TMEM132E: variants seen among roughly 807,000 people sequenced by gnomAD.
TMEM132E encodes transmembrane protein 132E.
Under a neutral mutation model 78.5 loss-of-function variants are expected in TMEM132E, and 49 were observed. The observed-to-expected ratio is 0.62, with a 90% CI of 0.50 to 0.79. The LOEUF (loss-of-function observed/expected upper bound fraction) is 0.79. TMEM132E is among the 30% of genes least tolerant of loss of function. The pLI is 0.00. For synonymous variants in TMEM132E, 715 were observed against 670.6 expected (o/e 1.07, Z -1.02); for missense variants, 1,403 against 1,470.9 (o/e 0.95, Z 0.75).
intron 6 of TMEM132E, 111 bp from the exon 7 acceptor site, chr17:34,634,688 G>T: frequency 7.5e-7 from 1 of 1,341,552 alleles, no homozygotes; most frequent in Non-Finnish European, 1.0e-6. Context: ...GCTTGCTTTT[G>T]CAGAGCTTCT....
In TMEM132E at chr17:34,620,120, G is replaced by C. The variant is rs73284087; in HGVS notation, c.68-6007G>C. 3.6e-3 allele frequency among the ~76,000 whole-genome samples: 551 copies of C among 152,292 alleles called. 3 individuals are homozygous for C. Among genetic ancestry groups the C allele is most frequent in the African/African-American group, 0.013 (522 of 41,552 alleles). On this transcript the variant is annotated intron_variant, in intron 1 of 8. Coordinates refer to ENST00000631683, the MANE Select transcript of TMEM132E (RefSeq NM_001304438.2). ...GGGAGCCCCCACCCCTAGCCTGCCC[G>C]GCCCTAGCTTCCACAGAGATTCATT...
rs1907597770 is a variant in TMEM132E at position 34,638,039 on chromosome 17, A to G, written c.3032A>G (p.Lys1011Arg). Residue 1011 changes from lysine to arginine, a missense_variant, in exon 9 of 9, where the codon AAG becomes AGG. Lys to Arg is a conservative substitution (Grantham distance 26, BLOSUM62 2). This residue lies in a region of TMEM132E where 888 missense variants were observed against 952.8 expected (regional missense o/e 0.93). Transcript: ENST00000631683. Reference sequence around the variant, plus strand: ...GCCAGCTCGCCCACCTCCAAGCGCAAGCGGGTCAAGTTCACCACCTTCACC... The same window carrying G: ...GCCAGCTCGCCCACCTCCAAGCGCAGGCGGGTCAAGTTCACCACCTTCACC... ...DPASSPTSKRKRVKFTTFTTL... is the reference protein window; with the variant it reads ...DPASSPTSKRRRVKFTTFTTL... 1 of 1,577,002 alleles carries G rather than the reference A, an allele frequency of 6.3e-7. No homozygotes were observed. Among genetic ancestry groups the G allele is most frequent in the Admixed American group, 1.8e-5 (1 of 54,150 alleles).
chr17:34,628,843 C>T, intron 3 of TMEM132E, 134 bp downstream of exon 3: 1 of 1,374,628 alleles, frequency 7.3e-7, no homozygotes, highest in South Asian at 1.5e-5. Context: ...GGTCCAGGCC[C>T]CTCAGTGGGA....
chr17:34,602,471 A>G (rs889685320), intron 1 of TMEM132E, among the ~76,000 whole-genome samples: 2 of 152,230 alleles, frequency 1.3e-5, no homozygotes, highest in Admixed American at 6.5e-5. Context: ...AGTTGGCCTG[A>G]CAGGGGCCAG....
At position 34,632,819 on chromosome 17, in the gene TMEM132E, G is replaced by C; in HGVS notation, c.1598G>C (p.Trp533Ser). The C allele has an allele frequency of 6.2e-7, 1 of 1,614,178 alleles. No individual in the cohort carries two copies. The highest frequency in any genetic ancestry group is 8.5e-7 in the Non-Finnish European group (1 of 1,180,026). The change falls in exon 6 of 9, where the codon TGG becomes TCG. Residue 533 changes from tryptophan to serine, a missense_variant. Physicochemically the swap from Trp to Ser is radical, Grantham distance 177 (BLOSUM62 -3). This residue lies in a region of TMEM132E where 888 missense variants were observed against 952.8 expected (regional missense o/e 0.93). Coordinates refer to ENST00000631683, the MANE Select transcript of TMEM132E (RefSeq NM_001304438.2). ...AATGCTCCCCTGGAAATGACAGTCT[G>C]GGTCCCCAAGCTGCCCTTGCACATT... Reference protein sequence around the residue: ...VLNAPLEMTVWVPKLPLHIEL... With the variant: ...VLNAPLEMTVSVPKLPLHIEL...
At chr17:34,593,908 C>T (rs561666898) in intron 1 of TMEM132E, among the ~76,000 whole-genome samples, 1 of 152,346 alleles carries the variant, frequency 6.6e-6, no homozygotes, top group South Asian at 2.1e-4. Context: ...TGCTCGTCTC[C>T]GGTCACGCTG....
chr17:34,592,211 C>A (rs1324583918), intron 1 of TMEM132E, among the ~76,000 whole-genome samples: 1 of 152,106 alleles, frequency 6.6e-6, no homozygotes, highest in Non-Finnish European at 1.5e-5. Flanking sequence ...CCCTTCCTCC[C>A]TCCCCACTTT....
Position 34,626,636 on chromosome 17 carries a change from G to A in TMEM132E, c.577G>A (p.Ala193Thr), listed in dbSNP as rs1486466197. The change falls in exon 2 of 9, where the codon GCA becomes ACA. Residue 193 changes from alanine to threonine, a missense_variant. Ala to Thr is a moderately conservative substitution (Grantham distance 58, BLOSUM62 0). Around this residue, in one of 3 missense-constraint regions of TMEM132E, gnomAD observed 511 missense variants for 499.0 expected, o/e 1.02. Coordinates refer to ENST00000631683, the MANE Select transcript of TMEM132E (RefSeq NM_001304438.2). The stretch of plus-strand genomic sequence containing the variant: ...GGGCCTGGCCACTTGTCTGGTGCGG[G>A]CAGAGCTGCCCCTGGCCTGGTTCGG... ...SGGLATCLVR[A>T]ELPLAWFGPP... 4 of 1,459,394 alleles carry A rather than the reference G, an allele frequency of 2.7e-6. No individual in the cohort carries two copies. Among genetic ancestry groups the A allele is most frequent in the South Asian group, 1.4e-5 (1 of 71,000 alleles). 90.4% of individuals were successfully genotyped at this position (1,459,394 alleles called of 1,614,324 possible). A position where few individuals can be genotyped will look rare whatever the true frequency, so the allele number is the denominator to read the frequency against.
At chr17:34,629,267 G>T in intron 4 of TMEM132E, 63 bp downstream of exon 4, 1 of 1,539,394 alleles carries the variant, frequency 6.5e-7, no homozygotes, top group South Asian at 1.2e-5. Context: ...ACATTTGTGT[G>T]ACAAGAATGT....
intron 2 of TMEM132E, among the ~76,000 whole-genome samples, 173 bp downstream of exon 2, chr17:34,627,230 A>G (rs1907182542): frequency 6.6e-6 from 1 of 152,194 alleles, no homozygotes; most frequent in Non-Finnish European, 1.5e-5. Context: ...TACCTCGCTT[A>G]TTGGAGCCTC....
At chr17:34,596,250 TTG>T (rs1906056417) in intron 1 of TMEM132E, among the ~76,000 whole-genome samples, 2 of 152,192 alleles carry the variant, frequency 1.3e-5, no homozygotes, top group Non-Finnish European at 2.9e-5. Flanking sequence ...TGTGGAGCCC[TTG>T]GCAGTTTAAA....
intron 1 of TMEM132E, among the ~76,000 whole-genome samples, chr17:34,587,260 C>A (rs1321851781): frequency 6.6e-6 from 1 of 152,176 alleles, no homozygotes; most frequent in Non-Finnish European, 1.5e-5. Context: ...TACTCCTAAA[C>A]CCCTCCCCAG....
At chr17:34,597,825 A>G (rs1906109804) in intron 1 of TMEM132E, among the ~76,000 whole-genome samples, 1 of 152,100 alleles carries the variant, frequency 6.6e-6, no homozygotes, top group Non-Finnish European at 1.5e-5. Context: ...CTTCCTGCCC[A>G]TGGAGATCTG....
At chr17:34,628,215 A>C (rs1907223338) in intron 2 of TMEM132E, among the ~76,000 whole-genome samples, 2 of 152,224 alleles carry the variant, frequency 1.3e-5, no homozygotes, top group South Asian at 4.1e-4. Context: ...GCTCAGCTAC[A>C]TCCAGGGAAG....
intron 5 of TMEM132E, 68 bp downstream of exon 5, chr17:34,630,219 C>A (rs2142083326): frequency 1.3e-6 from 2 of 1,537,686 alleles, no homozygotes; most frequent in South Asian, 1.2e-5. Context: ...GAACCTCAAA[C>A]CAGAGTCCAG....
At chr17:34,613,368 C>T (rs913681047) in intron 1 of TMEM132E, among the ~76,000 whole-genome samples, 3 of 151,056 alleles carry the variant, frequency 2.0e-5, no homozygotes, top group African/African-American at 7.3e-5. Flanking sequence ...GAGAGCAGCC[C>T]CCTCCCCCGC....
At chr17:34,587,024 T>C (rs994509045) in intron 1 of TMEM132E, among the ~76,000 whole-genome samples, 1 of 152,210 alleles carries the variant, frequency 6.6e-6, no homozygotes, top group African/African-American at 2.4e-5. Flanking sequence ...CTGACGGCAG[T>C]GGGCAGGATG....
intron 7 of TMEM132E, 89 bp from the exon 8 acceptor site, chr17:34,635,918 C>G (rs994936628): frequency 8.0e-7 from 1 of 1,254,712 alleles, no homozygotes; most frequent in Non-Finnish European, 1.0e-6. Flanking sequence ...CCTCTTCCAG[C>G]AGTGCTGGGA....
chr17:34,581,178 C>A (rs1294644674), intron 1 of TMEM132E, 35 bp downstream of exon 1: 2 of 1,486,928 alleles, frequency 1.3e-6, no homozygotes. Context: ...GGTGAGGATG[C>A]GGCAGGCGCC....
Sources: gnomAD v4.1 joint callset for allele counts (sites outside exome capture counted in the v4.1 genomes callset) on GRCh38, gnomAD v4.1.1 for gene constraint, gnomAD v4.1.1 regional missense constraint, MANE v1.5 for transcripts, NCBI Gene and HGNC (gene_info 2026-07-23, HGNC 2026-07-21) for gene names.